Variants in HPS4 observed in about 807,000 individuals in gnomAD.
The protein encoded by HPS4 is BLOC-3 complex member HPS4.
HPS4 carries 44 observed loss-of-function variants against 70.3 expected under a neutral mutation model. The ratio of observed to expected loss-of-function variants is 0.63; its 90% CI spans 0.49 to 0.80. The LOEUF is 0.80. Ranked by LOEUF, HPS4 falls within the 30% of genes least tolerant of loss-of-function variation. The pLI is 0.00. For missense variants in HPS4, 873 were observed against 884.4 expected (o/e 0.99, Z 0.16); for synonymous variants, 377 against 355.9 (o/e 1.06, Z -0.67).
intron 4 of HPS4, chr22:26,476,036 C>T (rs1374568548): frequency 6.6e-6 from 1 of 151,940 alleles, no homozygotes; most frequent in Admixed American, 6.5e-5. Flanking sequence ...GATTGAGACC[C>T]TGTCTCAATA....
At chr22:26,477,169 C>T (rs2090663790) in intron 3 of HPS4, 33 bp from the exon 4 acceptor site, 5 of 1,613,650 alleles carry the variant, frequency 3.1e-6, no homozygotes, top group Non-Finnish European at 4.2e-6. Flanking sequence ...AGATAGGAAG[C>T]TGAAATTCTT....
intron 11 of HPS4, among the ~76,000 whole-genome samples, chr22:26,458,896 T>C (rs1601839334): frequency 6.6e-6 from 1 of 152,020 alleles, no homozygotes; most frequent in African/African-American, 2.4e-5. Flanking sequence ...CTCACCAACA[T>C]TTTTCTTTCA....
intron 11 of HPS4, among the ~76,000 whole-genome samples, chr22:26,462,025 T>C (rs376048863): frequency 1.4e-3 from 203 of 149,334 alleles, no homozygotes; most frequent in African/African-American, 4.8e-3. Flanking sequence ...ACTCAGGAGG[T>C]TGAGGTAGGA....
Position 26,464,468 on chromosome 22 carries a change from C to T in HPS4, c.1162G>A (p.Ala388Thr), listed in dbSNP as rs1454297299. ...QEVEMASGHFAFLHVPVPDGR... is the reference protein window; with the variant it reads ...QEVEMASGHFTFLHVPVPDGR... ...TCTGGAACAGGCACATGTAGGAAGG[C>T]AAAATGACCTGAGGCCATTTCCACT... The change falls in exon 11 of 14, where the codon GCC becomes ACC. Residue 388 changes from alanine (A) to threonine (T), a missense_variant. Ala to Thr is a moderately conservative substitution (Grantham distance 58, BLOSUM62 0). Coordinates refer to ENST00000398145, the MANE Select transcript of HPS4 (RefSeq NM_022081.6). 3.7e-6 allele frequency: 6 copies of T among 1,614,172 alleles called. No individual in the cohort carries two copies. The highest frequency in any genetic ancestry group is 1.1e-5 in the South Asian group (1 of 91,088).
chr22:26,462,114 G>A (rs963197930), intron 11 of HPS4, among the ~76,000 whole-genome samples: 14 of 131,838 alleles, frequency 1.1e-4, no homozygotes, highest in African/African-American at 4.0e-4. Flanking sequence ...CAACAAGAGC[G>A]GAACTCCATC....
chr22:26,470,937 T>C (rs1430897687), intron 6 of HPS4, 124 bp from the exon 7 acceptor site: 2 of 1,547,084 alleles, frequency 1.3e-6, no homozygotes, highest in Non-Finnish European at 1.7e-6. Context: ...AAAAGGAGAA[T>C]GTGTCACACA....
At chr22:26,475,220 C>T (rs182013778) in intron 4 of HPS4, 2 of 152,120 alleles carry the variant, frequency 1.3e-5, no homozygotes, top group East Asian at 1.9e-4. Context: ...ATTCAGACAA[C>T]GGAATACTGT....
intron 12 of HPS4, 121 bp downstream of exon 12, chr22:26,458,324 A>C (rs2086565695): frequency 1.6e-6 from 2 of 1,268,658 alleles, no homozygotes; most frequent in African/African-American, 2.9e-5. Context: ...GAGAGCCCTG[A>C]ACGCAGGTCA....
chr22:26,476,161 C>G (rs974635168), intron 4 of HPS4: 1 of 152,090 alleles, frequency 6.6e-6, no homozygotes. Flanking sequence ...TGAGTATTCA[C>G]TGTAAAATTC....
At chr22:26,455,872 G>A (rs2086024988) in intron 13 of HPS4, among the ~76,000 whole-genome samples, 1 of 152,104 alleles carries the variant, frequency 6.6e-6, no homozygotes, top group Admixed American at 6.5e-5. Flanking sequence ...ATACTGCAGG[G>A]CCACAAGGTG....
At chr22:26,469,691 A>G (rs1030811814) in intron 7 of HPS4, among the ~76,000 whole-genome samples, 4 of 103,882 alleles carry the variant, frequency 3.9e-5, no homozygotes, top group Admixed American at 3.0e-4. Context: ...TCCCTACAAA[A>G]AAAAAAAAAA....
At chr22:26,474,159 T>C (rs1188547484) in intron 4 of HPS4, among the ~76,000 whole-genome samples, 2 of 152,258 alleles carry the variant, frequency 1.3e-5, no homozygotes, top group African/African-American at 2.4e-5. Context: ...GGAGAACTTA[T>C]ACTATCTGGT....
At chr22:26,469,559 C>T (rs1006501069) in intron 7 of HPS4, among the ~76,000 whole-genome samples, 2 of 151,304 alleles carry the variant, frequency 1.3e-5, no homozygotes, top group Non-Finnish European at 2.9e-5. Context: ...ATGTATTAGC[C>T]GTATAATGTA....
intron 11 of HPS4, among the ~76,000 whole-genome samples, chr22:26,460,736 C>A (rs2087081917): frequency 6.6e-6 from 1 of 152,214 alleles, no homozygotes; most frequent in Non-Finnish European, 1.5e-5. Flanking sequence ...AAACTCTAGC[C>A]TATAAACTAA....
chr22:26,453,436 A>G lies in HPS4; in HGVS notation c.1956-32T>C, dbSNP rs189953957. On this transcript the variant is annotated intron_variant, in intron 13 of 13. Coordinates refer to ENST00000398145, the MANE Select transcript of HPS4 (RefSeq NM_022081.6). ...GAGGAAGAAAGAAGGCAACGGTCCA[A>G]TGCTGCTGGTGCTAATCTCAGACCA... 0.01 allele frequency: 16,177 copies of G among 1,611,714 alleles called. 110 individuals carry two copies. The highest frequency in any genetic ancestry group is 0.012 in the Non-Finnish European group (13,771 of 1,179,066).
chr22:26,482,514 T>C (rs1308939104), intron 1 of HPS4, among the ~76,000 whole-genome samples: 12 of 152,222 alleles, frequency 7.9e-5, no homozygotes, highest in African/African-American at 2.9e-4. Flanking sequence ...AACCAGTTGC[T>C]GTGGTAATAA....
intron 13 of HPS4, among the ~76,000 whole-genome samples, chr22:26,456,586 G>T (rs781011238): frequency 6.6e-6 from 1 of 152,192 alleles, no homozygotes; most frequent in Non-Finnish European, 1.5e-5. Flanking sequence ...TTGAAACCAG[G>T]AGACAGAGGT....
chr22:26,471,119 C>T, intron 6 of HPS4: 2 of 460,548 alleles, frequency 4.3e-6, no homozygotes, highest in Non-Finnish European at 8.1e-6. Flanking sequence ...GGGAGACCGA[C>T]TGTCTACCCT....
At chr22:26,465,827 T>C (rs2088477243) in intron 9 of HPS4, 1 of 553,116 alleles carries the variant, frequency 1.8e-6, no homozygotes. Flanking sequence ...GAAGAAGATA[T>C]AAGCTAAGAA....
Sources: allele counts gnomAD v4.1 joint callset (sites outside exome capture counted in the v4.1 genomes callset), GRCh38; gene constraint gnomAD v4.1.1; transcripts MANE v1.5; gene names NCBI Gene and HGNC (gene_info 2026-07-23, HGNC 2026-07-21).